The following GPR137C variants were observed in gnomAD, a reference collection of about 807,000 sequenced individuals.
The protein encoded by GPR137C is integral membrane protein GPR137C.
In GPR137C, 27 loss-of-function variants were observed where a neutral mutation model predicts 43.4. The ratio of observed to expected loss-of-function variants is 0.62; its 90% CI spans 0.46 to 0.86. The LOEUF is 0.86. GPR137C is among the 40% of genes least tolerant of loss of function. The pLI is 0.00. For synonymous variants in GPR137C, 285 were observed against 226.9 expected, an observed-to-expected ratio of 1.26 and a Z score of -2.30; for missense variants, 522 against 534.6, an observed-to-expected ratio of 0.98 and a Z score of 0.23.
intron 1 of GPR137C, among the ~76,000 whole-genome samples, chr14:52,581,029 C>A: frequency 6.6e-6 from 1 of 150,802 alleles, no homozygotes; most frequent in African/African-American, 2.4e-5. Flanking sequence ...CAAAACCCCA[C>A]TGAAAAGTAC....
intron 3 of GPR137C, chr14:52,611,920 A>T (rs2039043104): frequency 2.0e-6 from 2 of 983,266 alleles, no homozygotes; most frequent in South Asian, 4.7e-5. Context: ...TATCATCTTC[A>T]TCATCATATT....
intron 3 of GPR137C, among the ~76,000 whole-genome samples, chr14:52,605,151 T>C (rs547881179): frequency 6.6e-6 from 1 of 152,194 alleles, no homozygotes; most frequent in Non-Finnish European, 1.5e-5. Context: ...TTGGGTAGTA[T>C]AGAAATTTTC....
chr14:52,566,340 T>C (rs965411289), intron 1 of GPR137C, among the ~76,000 whole-genome samples: 8 of 152,242 alleles, frequency 5.3e-5, no homozygotes, highest in Admixed American at 4.6e-4. Flanking sequence ...TCAGCTACTA[T>C]GTAGGATCCA....
intron 3 of GPR137C, chr14:52,611,787 C>T (rs1470120304): frequency 4.6e-6 from 2 of 431,784 alleles, no homozygotes; most frequent in East Asian, 3.2e-4. Context: ...ACCTCTCTGT[C>T]CACCTTTAAA....
intron 2 of GPR137C, among the ~76,000 whole-genome samples, chr14:52,599,783 T>C (rs2038901895): frequency 6.6e-6 from 1 of 152,214 alleles, no homozygotes; most frequent in Non-Finnish European, 1.5e-5. Flanking sequence ...TCAATATGAA[T>C]TTAGATACAG....
chr14:52,572,292 A>G (rs1431409750), intron 1 of GPR137C, among the ~76,000 whole-genome samples: 1 of 152,190 alleles, frequency 6.6e-6, no homozygotes, highest in Non-Finnish European at 1.5e-5. Flanking sequence ...GAGACACAAC[A>G]AAAAAGGAAA....
At chr14:52,573,241 C>G (rs2038499202) in intron 1 of GPR137C, among the ~76,000 whole-genome samples, 1 of 152,088 alleles carries the variant, frequency 6.6e-6, no homozygotes, top group Admixed American at 6.6e-5. Flanking sequence ...TCATATGGAA[C>G]CAAAAAAGAG....
chr14:52,618,505 T>C (rs1379233730), intron 3 of GPR137C, among the ~76,000 whole-genome samples: 2 of 152,180 alleles, frequency 1.3e-5, no homozygotes, highest in African/African-American at 4.8e-5. Context: ...ATTACCATGA[T>C]TGTCAGTATT....
At chr14:52,600,033 C>G in intron 2 of GPR137C, 80 bp from the exon 3 acceptor site, 1 of 885,456 alleles carries the variant, frequency 1.1e-6, no homozygotes, top group South Asian at 1.6e-5. Flanking sequence ...ATTCTTGTAC[C>G]TAACATAACA....
At position 52,553,406 on chromosome 14, in the gene GPR137C, T is replaced by G; in HGVS notation, c.259T>G (p.Phe87Val). The G allele has an allele frequency of 6.2e-7, 1 of 1,608,426 alleles. No homozygotes were observed. Among genetic ancestry groups the G allele is most frequent in the Non-Finnish European group, 8.5e-7 (1 of 1,179,754 alleles). Residue 87 changes from phenylalanine to valine, a missense_variant, in exon 1 of 7, where the codon TTC (phenylalanine) becomes GTC (valine). This residue lies in a region of GPR137C where 437 missense variants were observed against 425.7 expected (regional missense o/e 1.03). Coordinates refer to ENST00000321662, the MANE Select transcript of GPR137C (RefSeq NM_001099652.2). Reference sequence around the variant, plus strand: ...GCTGAGTTACCAGAGCCTCTGCCTCTTCCTCTGTCTCCTGTGGGCAGCGCT... The same window carrying G: ...GCTGAGTTACCAGAGCCTCTGCCTCGTCCTCTGTCTCCTGTGGGCAGCGCT... ...RRLSYQSLCL[F>V]LCLLWAALRT...
intron 3 of GPR137C, among the ~76,000 whole-genome samples, chr14:52,626,073 T>G (rs539305086): frequency 5.3e-5 from 8 of 152,330 alleles, no homozygotes; most frequent in African/African-American, 1.7e-4. Flanking sequence ...ACATATCATT[T>G]TTCACAGTAT....
chr14:52,616,283 T>TTTTG (rs147673852), intron 3 of GPR137C, among the ~76,000 whole-genome samples: 13,715 of 151,774 alleles, frequency 0.09, 755 homozygotes, highest in South Asian at 0.24. Context: ...ATGTTCTCTT[T>TTTTG]TTTGTTTGTT....
chr14:52,569,135 G>A (rs1229999324), intron 1 of GPR137C, among the ~76,000 whole-genome samples: 2 of 152,206 alleles, frequency 1.3e-5, no homozygotes, highest in Non-Finnish European at 2.9e-5. Flanking sequence ...GGCAGCCTCC[G>A]CTGGTGATAC....
intron 1 of GPR137C, among the ~76,000 whole-genome samples, chr14:52,554,470 C>G (rs1409581965): frequency 6.6e-6 from 1 of 152,074 alleles, no homozygotes; most frequent in Non-Finnish European, 1.5e-5. Context: ...CCATTTCAAA[C>G]AGGTTTGGGA....
intron 1 of GPR137C, among the ~76,000 whole-genome samples, chr14:52,577,859 T>C (rs1159676426): frequency 6.6e-6 from 1 of 151,082 alleles, no homozygotes; most frequent in East Asian, 1.9e-4. Flanking sequence ...TCCCAGCTAC[T>C]GAGGCTGAGG....
At chr14:52,623,471 A>G (rs1015494228) in intron 3 of GPR137C, among the ~76,000 whole-genome samples, 3 of 152,204 alleles carry the variant, frequency 2.0e-5, no homozygotes, top group Non-Finnish European at 2.9e-5. Context: ...GGAAAGTTAT[A>G]AAAACAATAT....
At chr14:52,597,604 A>G (rs1255680927) in intron 1 of GPR137C, among the ~76,000 whole-genome samples, 1 of 152,194 alleles carries the variant, frequency 6.6e-6, no homozygotes. Flanking sequence ...AAAACTTTCA[A>G]TATCTTCCCA....
chr14:52,583,912 G>A (rs1382303374), intron 1 of GPR137C, among the ~76,000 whole-genome samples: 1 of 151,010 alleles, frequency 6.6e-6, no homozygotes. Context: ...CCACACCTTG[G>A]ATCAGCTCTT....
intron 3 of GPR137C, among the ~76,000 whole-genome samples, chr14:52,628,105 T>C (rs955801451): frequency 6.6e-6 from 1 of 152,222 alleles, no homozygotes; most frequent in African/African-American, 2.4e-5. Context: ...TACATTATGT[T>C]GAAACTTAGT....
Sources: gnomAD v4.1 joint callset for allele counts (sites outside exome capture counted in the v4.1 genomes callset) on GRCh38, gnomAD v4.1.1 for gene constraint, gnomAD v4.1.1 regional missense constraint, MANE v1.5 for transcripts, NCBI Gene and HGNC (gene_info 2026-07-23, HGNC 2026-07-21) for gene names.